Variants in ITPK1 observed in about 807,000 individuals in gnomAD.
ITPK1 encodes the protein inositol-tetrakisphosphate 1-kinase, also known as inositol 1,3,4-trisphosphate 5/6-kinase.
A neutral mutation model predicts 45.3 loss-of-function variants in ITPK1; 21 were observed. That is an observed-to-expected ratio of 0.46 (90% CI 0.33 to 0.67). ITPK1 has a LOEUF of 0.67. Among genes scored for constraint, ITPK1 ranks in the 30% least tolerant of loss-of-function variants. The pLI is 0.02. For synonymous variants in ITPK1, 258 were observed against 253.6 expected (o/e 1.02, Z -0.16); for missense variants, 474 against 573.5 (o/e 0.83, Z 1.77).
At chr14:93,035,949 G>A (rs1335817591) in intron 3 of ITPK1, among the ~76,000 whole-genome samples, 1 of 152,218 alleles carries the variant, frequency 6.6e-6, no homozygotes, top group African/African-American at 2.4e-5. Context: ...TGTATGTGGT[G>A]CCAAGTGGCT....
At chr14:92,942,438 G>C (rs985994528) in intron 10 of ITPK1, among the ~76,000 whole-genome samples, 1 of 152,216 alleles carries the variant, frequency 6.6e-6, no homozygotes, top group African/African-American at 2.4e-5. Context: ...GGTGGAGGCT[G>C]CTGTGGCACT....
chr14:92,946,484 T>G lies in ITPK1; in HGVS notation c.748A>C (p.Ile250Leu). 1 of 1,612,612 alleles carries G rather than the reference T, an allele frequency of 6.2e-7. No homozygotes were observed. The highest frequency in any genetic ancestry group is 1.3e-5 in the African/African-American group (1 of 75,050). The change falls in exon 10 of 11, where the codon ATC becomes CTC. Residue 250 changes from isoleucine to leucine, a missense_variant. Coordinates refer to ENST00000267615, the MANE Select transcript of ITPK1 (RefSeq NM_014216.6). ...CTCGGCCGCTCGAACACGCCCTCGA[T>G]CTTGTCCAGCTGCCAACATACACAA... The part of the protein sequence containing the change: ...SSSVLTELDK[I>L]EGVFERPSDE...
intron 4 of ITPK1, among the ~76,000 whole-genome samples, chr14:93,009,748 C>T (rs1255286997): frequency 1.3e-5 from 2 of 152,210 alleles, no homozygotes; most frequent in Non-Finnish European, 2.9e-5. Flanking sequence ...CCTCCCGTAG[C>T]ATCTGCTGGC....
At chr14:92,989,934 C>A (rs1451146662) in intron 5 of ITPK1, among the ~76,000 whole-genome samples, 1 of 152,162 alleles carries the variant, frequency 6.6e-6, no homozygotes, top group Non-Finnish European at 1.5e-5. Flanking sequence ...GAGGGGACTG[C>A]TGCTGAGGTC....
chr14:93,037,908 A>G (rs1218272185), intron 3 of ITPK1, among the ~76,000 whole-genome samples: 2 of 152,364 alleles, frequency 1.3e-5, no homozygotes, highest in East Asian at 3.9e-4. Flanking sequence ...AATCTCAGAG[A>G]TAGCCTGTAA....
At chr14:93,004,226 G>A (rs1417115829) in intron 4 of ITPK1, among the ~76,000 whole-genome samples, 1 of 152,254 alleles carries the variant, frequency 6.6e-6, no homozygotes, top group Non-Finnish European at 1.5e-5. Flanking sequence ...GTGGACAGCT[G>A]TGCATTGGCG....
chr14:92,997,076 G>T (rs1887092624), intron 4 of ITPK1, among the ~76,000 whole-genome samples: 1 of 152,220 alleles, frequency 6.6e-6, no homozygotes, highest in Admixed American at 6.5e-5. Context: ...CCAGCTAGAG[G>T]CATTCCAGGT....
chr14:92,944,931 A>G (rs781541808), intron 10 of ITPK1, among the ~76,000 whole-genome samples: 1 of 152,100 alleles, frequency 6.6e-6, no homozygotes, highest in Non-Finnish European at 1.5e-5. Flanking sequence ...GGAGAGCTCC[A>G]ACGTCCTCAG....
intron 4 of ITPK1, among the ~76,000 whole-genome samples, chr14:93,009,625 G>C (rs1887794159): frequency 6.6e-6 from 1 of 152,232 alleles, no homozygotes; most frequent in African/African-American, 2.4e-5. Context: ...ACCACAGGAG[G>C]AGTCGCCTAT....
At chr14:93,107,034 T>C (rs1474955529) in intron 2 of ITPK1, among the ~76,000 whole-genome samples, 2 of 152,082 alleles carry the variant, frequency 1.3e-5, no homozygotes, top group African/African-American at 4.8e-5. Context: ...CTTGGCTCAC[T>C]GCAATCTCCA....
intron 3 of ITPK1, among the ~76,000 whole-genome samples, chr14:93,060,387 A>C (rs1469372929): frequency 6.6e-6 from 1 of 152,166 alleles, no homozygotes; most frequent in Non-Finnish European, 1.5e-5. Context: ...CACCACACAT[A>C]CAGGGTCAGA....
At chr14:93,096,105 G>A (rs1017652861) in intron 2 of ITPK1, among the ~76,000 whole-genome samples, 1 of 152,010 alleles carries the variant, frequency 6.6e-6, no homozygotes. Context: ...GCCTTGCCCC[G>A]GCCACGTCCT....
chr14:93,060,987 G>A (rs1042332197), intron 3 of ITPK1, among the ~76,000 whole-genome samples: 2 of 152,276 alleles, frequency 1.3e-5, no homozygotes, highest in African/African-American at 4.8e-5. Flanking sequence ...AGGTAGCTGG[G>A]GTTCCCTGGA....
At chr14:93,047,900 C>T (rs1055571945) in intron 3 of ITPK1, among the ~76,000 whole-genome samples, 2 of 152,222 alleles carry the variant, frequency 1.3e-5, no homozygotes, top group African/African-American at 4.8e-5. Flanking sequence ...CACAAGCCCA[C>T]CCAAAATGAC....
intron 5 of ITPK1, among the ~76,000 whole-genome samples, chr14:92,979,757 A>T (rs1365476126): frequency 1.3e-5 from 2 of 151,836 alleles, no homozygotes; most frequent in East Asian, 3.9e-4. Flanking sequence ...CCGTGAGTCA[A>T]TTAAACCTCT....
rs138766444 is a variant in ITPK1, at chr14:93,032,895, C to G, written c.121-16094G>C. Among the ~76,000 whole-genome samples the G allele has an allele frequency of 2.6e-5, 4 of 152,194 alleles. No homozygotes were observed. Among genetic ancestry groups the G allele is most frequent in the African/African-American group, 7.2e-5 (3 of 41,446 alleles). On this transcript the variant is annotated intron_variant, in intron 3 of 10. Coordinates refer to ENST00000267615, the MANE Select transcript of ITPK1 (RefSeq NM_014216.6). The surrounding 1 kb of genome is among the most constrained non-coding windows in gnomAD (Gnocchi z 4.0). The stretch of plus-strand genomic sequence containing the variant: ...GGATCGGATCGTGCACCCTGCAAAG[C>G]CAGCCCTTTTCTCTAGGGGGTGAGC...
rs982741436 is a variant in ITPK1, at chr14:93,034,702, T to C, written c.121-17901A>G. ...AGCAAGGGAGAAGCAGACACTGAGA[T>C]GGAAGCGGCAGCTGTGCCCACTGAG... On this transcript the variant is annotated intron_variant, in intron 3 of 10. Transcript: ENST00000267615. The surrounding 1 kb of genome is among the most constrained non-coding windows in gnomAD (Gnocchi z 4.1). Among the ~76,000 whole-genome samples the C allele has an allele frequency of 6.6e-6, 1 of 152,240 alleles. No individual in the cohort carries two copies. Among genetic ancestry groups the C allele is most frequent in the African/African-American group, 2.4e-5 (1 of 41,466 alleles).
Position 93,016,675 on chromosome 14 carries a change from C to T in ITPK1, c.246+1G>A. On this transcript the variant is annotated splice_donor_variant, in intron 4 of 10. Transcript: ENST00000267615. LOFTEE classifies it high-confidence loss of function. The surrounding 1 kb of genome is among the most constrained non-coding windows in gnomAD (Gnocchi z 5.0). ...CCAAGGGCTGCATGGTCCTCACTCA[C>T]CTGGAACCTGTGCACCAGCTCCAGG... 1 of 1,614,038 alleles carries T rather than the reference C, an allele frequency of 6.2e-7. No homozygotes were observed. The highest frequency in any genetic ancestry group is 8.5e-7 in the Non-Finnish European group (1 of 1,179,974).
intron 2 of ITPK1, among the ~76,000 whole-genome samples, chr14:93,113,320 C>G (rs946300580): frequency 3.9e-5 from 6 of 152,188 alleles, no homozygotes; most frequent in African/African-American, 1.4e-4. Flanking sequence ...ATCTGCAGGT[C>G]CAGCACGAGG....
Sources: allele counts gnomAD v4.1 joint callset (sites outside exome capture counted in the v4.1 genomes callset), GRCh38; gene constraint gnomAD v4.1.1; non-coding constraint Gnocchi (gnomAD v3.1); transcripts MANE v1.5; gene names NCBI Gene and HGNC (gene_info 2026-07-23, HGNC 2026-07-21).